Variants in LMNTD1 observed in about 807,000 individuals in gnomAD.
LMNTD1 encodes lamin tail domain-containing protein 1.
In LMNTD1, 35 loss-of-function variants were observed where a neutral mutation model predicts 50.9. The observed-to-expected ratio is 0.69, with a 90% CI of 0.53 to 0.91. The LOEUF (loss-of-function observed/expected upper bound fraction) is 0.91. Among genes scored for constraint, LMNTD1 ranks in the 40% least tolerant of loss-of-function variants. LMNTD1 has a pLI of 0.00. For missense variants in LMNTD1, 470 were observed against 475.5 expected (o/e 0.99, Z 0.11); for synonymous variants, 153 against 161.9 (o/e 0.94, Z 0.42).
In LMNTD1 at chr12:25,517,105, T is replaced by C. The variant is rs1434667566; in HGVS notation, c.1189+1690A>G. On this transcript the variant is annotated intron_variant, in intron 8 of 9. Coordinates refer to ENST00000458174, the MANE Select transcript of LMNTD1 (RefSeq NM_001145728.2). Reference sequence around the variant, plus strand: ...AGAAATAGGAACACTTTTACACTGTTGGTGGGACTGTAAACTAGTTCAACC... The same window carrying C: ...AGAAATAGGAACACTTTTACACTGTCGGTGGGACTGTAAACTAGTTCAACC... 3.9e-4 allele frequency among the ~76,000 whole-genome samples: 20 copies of C among 51,906 alleles called. 7 individuals carry two copies. The highest frequency in any genetic ancestry group is 8.9e-4 in the African/African-American group (19 of 21,406). The allele number at this position is 51,906 out of a possible 152,430, so 34.1% of individuals were successfully genotyped here. A position where few individuals can be genotyped will look rare whatever the true frequency, so the allele number is the denominator to read the frequency against.
chr12:25,620,125 G>C (rs1946439786), intron 1 of LMNTD1, among the ~76,000 whole-genome samples: 1 of 152,174 alleles, frequency 6.6e-6, no homozygotes, highest in African/African-American at 2.4e-5. Context: ...ACTAGCTACT[G>C]TCATAGTTTA....
At position 25,519,871 on chromosome 12, in the gene LMNTD1, C is replaced by G; in HGVS notation, c.1003G>C (p.Val335Leu). The part of the protein sequence containing the change: ...ISNYQVEQAQ[V>L]LLKREKEIPP... Reference sequence around the variant, plus strand: ...AACAACCCTTACCTCTTAAGAAGAACTTGAGCTTGTTCCACCTGATAATTT... The same window carrying G: ...AACAACCCTTACCTCTTAAGAAGAAGTTGAGCTTGTTCCACCTGATAATTT... The change falls in exon 7 of 10, where the codon GTT (valine) becomes CTT (leucine). Residue 335 changes from valine (V) to leucine (L), a missense_variant. Physicochemically the swap from Val to Leu is conservative, Grantham distance 32. Transcript: ENST00000458174. The G allele has an allele frequency of 1.2e-6, 2 of 1,609,722 alleles. No homozygotes were observed. The highest frequency in any genetic ancestry group is 2.2e-5 in the South Asian group (2 of 90,838).
intron 9 of LMNTD1, among the ~76,000 whole-genome samples, chr12:25,495,952 A>C (rs1452256883): frequency 1.3e-5 from 2 of 152,208 alleles, no homozygotes; most frequent in Non-Finnish European, 2.9e-5. Flanking sequence ...TGGAGGAAAT[A>C]ATTGTGTAGA....
intron 1 of LMNTD1, among the ~76,000 whole-genome samples, chr12:25,632,255 T>C (rs2136599720): frequency 6.6e-6 from 1 of 152,348 alleles, no homozygotes; most frequent in Non-Finnish European, 1.5e-5. Context: ...AAAACTTCCC[T>C]GGCCTTGCTA....
intron 9 of LMNTD1, among the ~76,000 whole-genome samples, chr12:25,484,290 G>A (rs1565934570): frequency 6.6e-6 from 1 of 151,738 alleles, no homozygotes; most frequent in African/African-American, 2.4e-5. Flanking sequence ...TAAGAGACAG[G>A]GTCTCTCTAT....
chr12:25,557,200 G>A (rs778828805), upstream of LMNTD1: 1 of 152,120 alleles, frequency 6.6e-6, no homozygotes, highest in Non-Finnish European at 1.5e-5. Flanking sequence ...ACAGATCCAC[G>A]TGTAATAACA....
At chr12:25,581,993 A>T (rs527575606) in intron 1 of LMNTD1, among the ~76,000 whole-genome samples, 62 of 152,364 alleles carry the variant, frequency 4.1e-4, no homozygotes, top group Middle Eastern at 3.4e-3. Flanking sequence ...TTTTATTTAC[A>T]CCTGACTTCC....
intron 4 of LMNTD1, among the ~76,000 whole-genome samples, chr12:25,542,172 C>T (rs1354903826): frequency 6.6e-6 from 1 of 152,000 alleles, no homozygotes; most frequent in Non-Finnish European, 1.5e-5. Context: ...GGCGATTCCT[C>T]AGGGATCTAG....
intron 9 of LMNTD1, among the ~76,000 whole-genome samples, chr12:25,490,820 A>G (rs894268261): frequency 6.6e-6 from 1 of 152,224 alleles, no homozygotes; most frequent in African/African-American, 2.4e-5. Context: ...ACCCAGGAAG[A>G]GAGTTAAAAT....
chr12:25,607,898 T>C (rs973051286), intron 1 of LMNTD1, among the ~76,000 whole-genome samples: 3 of 152,190 alleles, frequency 2.0e-5, no homozygotes, highest in African/African-American at 7.2e-5. Context: ...TTGTTAACTT[T>C]CTGTCTTGTT....
At position 25,549,566 on chromosome 12, in the gene LMNTD1, TATAA is replaced by T. The variant is rs747391331; in HGVS notation, c.90-24_90-21del. On this transcript the variant is annotated intron_variant, in intron 2 of 9. Coordinates refer to ENST00000458174, the MANE Select transcript of LMNTD1 (RefSeq NM_001145728.2). ...TCTCTTCTGTGTACAAAAAATATAA[TATAA>T]ATAAATAAATAAGAAAGTAAAAGTG... 3 of 1,287,384 alleles carry T rather than the reference TATAA, an allele frequency of 2.3e-6. No individual in the cohort carries two copies. The highest frequency in any genetic ancestry group is 3.2e-6 in the Non-Finnish European group (3 of 935,552). The allele number at this position is 1,287,384 out of a possible 1,614,324, so 79.7% of individuals were successfully genotyped here.
At chr12:25,536,667 A>T (rs1332237147) in intron 4 of LMNTD1, among the ~76,000 whole-genome samples, 1 of 148,386 alleles carries the variant, frequency 6.7e-6, no homozygotes, top group African/African-American at 2.5e-5. Context: ...CTCAAATTTC[A>T]CCTTAAAAAA....
At chr12:25,577,931 C>T (rs1330789648) in intron 1 of LMNTD1, among the ~76,000 whole-genome samples, 1 of 152,132 alleles carries the variant, frequency 6.6e-6, no homozygotes, top group Non-Finnish European at 1.5e-5. Context: ...GGGTTGGTAG[C>T]AGGTGGTGAG....
At chr12:25,626,801 C>A (rs1403590367) in intron 1 of LMNTD1, among the ~76,000 whole-genome samples, 1 of 152,154 alleles carries the variant, frequency 6.6e-6, no homozygotes, top group Non-Finnish European at 1.5e-5. Flanking sequence ...TGCTCCCACC[C>A]AAGCTGAAAC....
At chr12:25,612,158 T>C (rs552012873) in intron 1 of LMNTD1, among the ~76,000 whole-genome samples, 4 of 152,204 alleles carry the variant, frequency 2.6e-5, no homozygotes, top group Non-Finnish European at 4.4e-5. Flanking sequence ...TGGCTTTAGA[T>C]GGAGAGATAG....
intron 8 of LMNTD1, among the ~76,000 whole-genome samples, chr12:25,507,478 T>C (rs1939887903): frequency 6.6e-6 from 1 of 152,196 alleles, no homozygotes; most frequent in Admixed American, 6.6e-5. Context: ...AAAAATGGCA[T>C]AAACAAAAGT....
intron 6 of LMNTD1, among the ~76,000 whole-genome samples, chr12:25,523,225 G>A (rs1941467361): frequency 6.6e-6 from 1 of 151,962 alleles, no homozygotes; most frequent in Non-Finnish European, 1.5e-5. Flanking sequence ...GTAGAGATGG[G>A]GTTTCACCAT....
chr12:25,484,070 G>A (rs1938530840), intron 9 of LMNTD1, among the ~76,000 whole-genome samples: 2 of 151,878 alleles, frequency 1.3e-5, no homozygotes, highest in South Asian at 2.1e-4. Context: ...TAACTTTTGT[G>A]TTTTTCTTTT....
In LMNTD1 at chr12:25,549,516, T is replaced by C. The variant is rs1273686781; in HGVS notation, c.120A>G (p.Leu40=). The C allele has an allele frequency of 1.2e-6, 2 of 1,610,454 alleles. No homozygotes were observed. The highest frequency in any genetic ancestry group is 4.5e-5 in the East Asian group (2 of 44,812). ...CCAACATCTTTGGGGAAAAATGTAC[T>C]AAAGAATATACTCCAAGTTTGTCTT... The part of the protein sequence containing the change: ...QREDKLGVYS[L]VHFSPKMLGS... Residue 40 remains leucine, a synonymous_variant, in exon 3 of 10, where the codon TTA becomes TTG. Coordinates refer to ENST00000458174, the MANE Select transcript of LMNTD1 (RefSeq NM_001145728.2).
Sources: gnomAD v4.1 joint callset for allele counts (sites outside exome capture counted in the v4.1 genomes callset) on GRCh38, gnomAD v4.1.1 for gene constraint, MANE v1.5 for transcripts, NCBI Gene and HGNC (gene_info 2026-07-23, HGNC 2026-07-21) for gene names.